TMLHE: variants seen among roughly 807,000 people sequenced by gnomAD.
TMLHE encodes the protein trimethyllysine hydroxylase, epsilon, also known as trimethyllysine dioxygenase, mitochondrial.
In TMLHE, 18 loss-of-function variants were observed where a neutral mutation model predicts 25.7. The observed-to-expected ratio is 0.70, with a 90% confidence interval of 0.48 to 1.04. The LOEUF is 1.04. Ranked by LOEUF, TMLHE falls within the 50% of genes least tolerant of loss-of-function variation. TMLHE has a pLI of 0.00. For synonymous variants in TMLHE, 105 were observed against 97.0 expected (o/e 1.08, Z -0.49); for missense variants, 236 against 259.0 (o/e 0.91, Z 0.61).
intron 1 of TMLHE, chrX:155,611,727 T>C (rs1203934774): frequency 9.0e-6 from 1 of 111,731 alleles, no homozygotes; most frequent in Non-Finnish European, 1.9e-5. Flanking sequence ...TTATAGTATT[T>C]TGCAAAATAT....
At chrX:155,521,779 G>A (rs1296305833) in intron 3 of TMLHE, among the ~76,000 whole-genome samples, 1 of 62,156 alleles carries the variant, frequency 1.6e-5, no homozygotes, top group African/African-American at 6.2e-5. Flanking sequence ...GGAGTGACCC[G>A]ATTTTCCAGG....
chrX:155,533,379 GCA>G (rs60233546), intron 2 of TMLHE, among the ~76,000 whole-genome samples: 28 of 108,144 alleles, frequency 2.6e-4, no homozygotes, highest in East Asian at 1.5e-3. Flanking sequence ...ACGTGCACAC[GCA>G]CACACACACA....
intron 1 of TMLHE, among the ~76,000 whole-genome samples, chrX:155,572,282 C>T (rs112992233): frequency 1.8e-5 from 1 of 55,783 alleles, no homozygotes; most frequent in South Asian, 1.0e-3. Context: ...TTACAAGGGA[C>T]GTGAAGGACC....
intron 1 of TMLHE, among the ~76,000 whole-genome samples, chrX:155,575,290 T>C (rs1004909962): frequency 3.6e-5 from 4 of 112,201 alleles, no homozygotes; most frequent in South Asian, 7.3e-4. Context: ...GTAAAGACCT[T>C]ATCTTCAAAT....
rs1328868665 is a variant in TMLHE at position 155,525,932 on chromosome X, C to T, written c.182-1300G>A. On this transcript the variant is annotated intron_variant, in intron 2 of 7. Transcript: ENST00000334398. The stretch of plus-strand genomic sequence containing the variant: ...AACAGTGTATGCTCATATGCATTTG[C>T]AAAGAGATGGTATGAAATTGGAACT... 3.6e-5 allele frequency among the ~76,000 whole-genome samples: 4 copies of T among 112,365 alleles called. No homozygotes were observed. In the East Asian group the frequency reaches 1.1e-3, roughly 31 times the overall value.
chrX:155,575,657 C>T (rs2067585307), intron 1 of TMLHE, among the ~76,000 whole-genome samples: 1 of 112,048 alleles, frequency 8.9e-6, no homozygotes, highest in Admixed American at 9.5e-5. Flanking sequence ...TAATCCACCG[C>T]AATCAAATAG....
At chrX:155,513,933 A>C in intron 4 of TMLHE, 53 bp downstream of exon 4, 1 of 1,124,247 alleles carries the variant, frequency 8.9e-7, no homozygotes, top group South Asian at 2.0e-5. Context: ...ATTGGTGTTC[A>C]TGCTCTGGAA....
chrX:155,602,368 T>A (rs1035057273), intron 1 of TMLHE, among the ~76,000 whole-genome samples: 3 of 111,586 alleles, frequency 2.7e-5, no homozygotes, highest in Non-Finnish European at 5.6e-5. Flanking sequence ...TCATTCATGA[T>A]CAAACATAAA....
chrX:155,609,179 A>G (rs1326845576), intron 1 of TMLHE, among the ~76,000 whole-genome samples: 4 of 112,386 alleles, frequency 3.6e-5, no homozygotes, highest in African/African-American at 9.7e-5. Flanking sequence ...AAAATTTGGT[A>G]CATATACACC....
At position 155,545,103 on chromosome X, in the gene TMLHE, ATCT is replaced by A; in HGVS notation, c.171_173del (p.Glu57del). 2 of 1,208,007 alleles carry A rather than the reference ATCT, an allele frequency of 1.7e-6. No individual in the cohort carries two copies. Among genetic ancestry groups the A allele is most frequent in the Non-Finnish European group, 2.2e-6 (2 of 893,788 alleles). On this transcript the variant is annotated inframe_deletion, in exon 2 of 8. Coordinates refer to ENST00000334398, the MANE Select transcript of TMLHE (RefSeq NM_018196.4). ...TCTTCACACATCTCTTACCAAAATG[ATCT>A]TCATGTTGCTGCCAAGCACAAGTCA...
At chrX:155,610,952 T>G (rs1334308646) in intron 1 of TMLHE, among the ~76,000 whole-genome samples, 3 of 110,843 alleles carry the variant, frequency 2.7e-5, no homozygotes, top group Non-Finnish European at 5.7e-5. Flanking sequence ...GCCTTTGGAG[T>G]GAATGAACAG....
chrX:155,544,629 C>A (rs2067332456), intron 2 of TMLHE, among the ~76,000 whole-genome samples: 1 of 112,006 alleles, frequency 8.9e-6, no homozygotes, highest in Non-Finnish European at 1.9e-5. Context: ...GTAAAGTATT[C>A]CCTCCTGCCA....
chrX:155,541,505 T>C, intron 2 of TMLHE, among the ~76,000 whole-genome samples: 1 of 111,762 alleles, frequency 8.9e-6, no homozygotes, highest in Admixed American at 9.5e-5. Context: ...GCAATAAACA[T>C]ATGTGTGCAT....
intron 2 of TMLHE, among the ~76,000 whole-genome samples, chrX:155,536,546 GTCCTT>G (rs1465587895): frequency 9.0e-6 from 1 of 111,476 alleles, no homozygotes; most frequent in Non-Finnish European, 1.9e-5. Context: ...TATGCTTACT[GTCCTT>G]TTGCTGACTG....
At chrX:155,550,567 C>T (rs1223114636) in intron 1 of TMLHE, among the ~76,000 whole-genome samples, 1 of 111,157 alleles carries the variant, frequency 9.0e-6, no homozygotes, top group Non-Finnish European at 1.9e-5. Context: ...GTTCTTTTCA[C>T]GCCCTTAATT....
At chrX:155,547,486 A>G (rs1423576285) in intron 1 of TMLHE, among the ~76,000 whole-genome samples, 4 of 111,653 alleles carry the variant, frequency 3.6e-5, no homozygotes, top group African/African-American at 1.3e-4. Flanking sequence ...ACATAAATAA[A>G]TCAGCAGTCC....
chrX:155,515,139 G>C (rs1295047258), intron 3 of TMLHE, among the ~76,000 whole-genome samples: 3 of 111,083 alleles, frequency 2.7e-5, no homozygotes, highest in Non-Finnish European at 3.8e-5. Context: ...ATGAAACTAT[G>C]ATTGACAGCC....
chrX:155,590,485 T>G (rs781908602), intron 1 of TMLHE, among the ~76,000 whole-genome samples: 22 of 111,852 alleles, frequency 2.0e-4, no homozygotes, highest in African/African-American at 6.8e-4. Context: ...TTTTACAAAT[T>G]CATAATTATA....
Position 155,604,378 on chromosome X carries a change from C to A in TMLHE, c.-2+8414G>T. On this transcript the variant is annotated intron_variant, in intron 1 of 7. Coordinates refer to ENST00000334398, the MANE Select transcript of TMLHE (RefSeq NM_018196.4). ...CTTCCCTGTGAGCTCCCTTCTCCCC[C>A]TCCCCATTCATCACCAGGCAGGGCT... 2.7e-5 allele frequency among the ~76,000 whole-genome samples: 3 copies of A among 111,273 alleles called. 1 individual carries two copies. The Middle Eastern group carries it at 0.014, about 515-fold the overall frequency.
Sources: allele counts gnomAD v4.1 joint callset (sites outside exome capture counted in the v4.1 genomes callset), GRCh38; gene constraint gnomAD v4.1.1; transcripts MANE v1.5; gene names NCBI Gene and HGNC (gene_info 2026-07-23, HGNC 2026-07-21).